RPTOR: variants seen among roughly 807,000 people sequenced by gnomAD.
RPTOR encodes regulatory associated protein of MTOR complex 1, also known as regulatory-associated protein of mTOR.
RPTOR carries 21 observed loss-of-function variants against 169.9 expected under a neutral mutation model. The observed-to-expected ratio is 0.12, with a 90% confidence interval of 0.09 to 0.18. RPTOR has a LOEUF of 0.18. Ranked by LOEUF, RPTOR falls within the 10% of genes least tolerant of loss-of-function variation. The pLI is 1.00. For synonymous variants in RPTOR, 732 were observed against 753.2 expected (o/e 0.97, Z 0.46); for missense variants, 1,133 against 1,855.9 (o/e 0.61, Z 7.16).
rs1415248366 is a variant in RPTOR, at chr17:80,700,588, AGTG to A, written c.349-7246_349-7244del. Among the ~76,000 whole-genome samples the A allele has an allele frequency of 1.4e-3, 12 of 8,758 alleles. No homozygotes were observed. The South Asian group carries it at 0.025, about 18-fold the overall frequency. The allele number at this position is 8,758 out of a possible 152,430, so 5.7% of individuals were successfully genotyped here. ...AGATGATGGTGATGGTGATGATGGA[AGTG>A]GTGGTGATGGTGATGATGGTGATGG... is the stretch of plus-strand genomic sequence containing the variant. On this transcript the variant is annotated intron_variant, in intron 3 of 33. Coordinates refer to ENST00000306801, the MANE Select transcript of RPTOR (RefSeq NM_020761.3).
rs2143829640 is a variant in RPTOR at position 80,880,487 on chromosome 17, C to T, written c.1582C>T (p.Pro528Ser). 6.2e-7 allele frequency: 1 copy of T among 1,613,498 alleles called. No homozygotes were observed. Among genetic ancestry groups the T allele is most frequent in the Non-Finnish European group, 8.5e-7 (1 of 1,179,914 alleles). Residue 528 changes from proline to serine, a missense_variant and splice_region_variant, in exon 14 of 34, where the codon CCA becomes TCA. By Grantham distance (74) the Pro-to-Ser change is moderately conservative. Transcript: ENST00000306801. ...GTCGGTCCTGGCGGACCCCTACATG[C>T]CAGTAAGGACGGGGCAGCACGCTCT... Reference protein sequence around the residue: ...FLSVLADPYMPAEHRTMTAFI... With the variant: ...FLSVLADPYMSAEHRTMTAFI...
chr17:80,919,741 T>C (rs752427550), intron 21 of RPTOR, among the ~76,000 whole-genome samples: 6 of 152,208 alleles, frequency 3.9e-5, no homozygotes, highest in Non-Finnish European at 8.8e-5. Context: ...AGCATTCGAC[T>C]GTTAGCAAAG....
At position 80,746,540 on chromosome 17, in the gene RPTOR, A is replaced by G. The variant is rs550495717; in HGVS notation, c.655-7470A>G. Among the ~76,000 whole-genome samples the G allele has an allele frequency of 9.3e-4, 142 of 152,308 alleles. No individual in the cohort carries two copies. The highest frequency in any genetic ancestry group is 1.7e-3 in the Non-Finnish European group (117 of 68,028). On this transcript the variant is annotated intron_variant, in intron 5 of 33. Transcript: ENST00000306801. The surrounding 1 kb of genome is among the most constrained non-coding windows in gnomAD (Gnocchi z 4.5). ...TTTCTGGATCCTTCCCAAATCCTCC[A>G]GAAGACTCTGGAGAGCATTGGAAGA...
At chr17:80,793,336 T>C (rs1183625493) in intron 7 of RPTOR, among the ~76,000 whole-genome samples, 2 of 152,236 alleles carry the variant, frequency 1.3e-5, no homozygotes, top group African/African-American at 4.8e-5. Flanking sequence ...ATATTATATA[T>C]CTAATTTCTT....
intron 28 of RPTOR, among the ~76,000 whole-genome samples, chr17:80,950,089 A>G (rs1354274772): frequency 6.6e-6 from 1 of 152,204 alleles, no homozygotes; most frequent in African/African-American, 2.4e-5. Context: ...GCGCAGGCCC[A>G]CAGGTCCTTC....
At chr17:80,691,141 A>G (rs2065987649) in intron 3 of RPTOR, among the ~76,000 whole-genome samples, 1 of 152,198 alleles carries the variant, frequency 6.6e-6, no homozygotes, top group Non-Finnish European at 1.5e-5. Context: ...AAACCCTCTC[A>G]TCAATTATTT....
intron 7 of RPTOR, among the ~76,000 whole-genome samples, chr17:80,819,925 C>T (rs1435347630): frequency 6.6e-6 from 1 of 152,140 alleles, no homozygotes; most frequent in African/African-American, 2.4e-5. Flanking sequence ...ATGTCTGAAC[C>T]CCATGGAGCG....
intron 13 of RPTOR, among the ~76,000 whole-genome samples, chr17:80,867,226 C>T (rs1368600405): frequency 6.6e-6 from 1 of 151,894 alleles, no homozygotes; most frequent in Non-Finnish European, 1.5e-5. Context: ...GATGCCTCTT[C>T]AGATTATTAA....
At chr17:80,697,186 C>A (rs1244876250) in intron 3 of RPTOR, among the ~76,000 whole-genome samples, 2 of 152,224 alleles carry the variant, frequency 1.3e-5, no homozygotes, top group Non-Finnish European at 2.9e-5. Flanking sequence ...GCGGTCCCCC[C>A]ACCCGAAGGT....
At chr17:80,783,056 A>C (rs1270158513) in intron 6 of RPTOR, among the ~76,000 whole-genome samples, 1 of 152,164 alleles carries the variant, frequency 6.6e-6, no homozygotes, top group Non-Finnish European at 1.5e-5. Flanking sequence ...TCCGTGGAAG[A>C]GGTTTACCTT....
rs745717737 is a variant in RPTOR at position 80,908,876 on chromosome 17, T to A, written c.2467T>A (p.Tyr823Asn). ...RVLLHLAADP[Y>N]PEVSDVAMKV... ...CCTGCTGCACCTGGCTGCTGACCCC[T>A]ATCCAGAGGTCTCGGACGTGGCCAT... The change falls in exon 21 of 34, where the codon TAT (tyrosine) becomes AAT (asparagine). Residue 823 changes from tyrosine to asparagine, a missense_variant. Transcript: ENST00000306801. 6.2e-7 allele frequency: 1 copy of A among 1,614,162 alleles called. No individual in the cohort carries two copies. The highest frequency in any genetic ancestry group is 2.2e-5 in the East Asian group (1 of 44,892).
At chr17:80,864,685 G>A (rs533597443) in intron 13 of RPTOR, among the ~76,000 whole-genome samples, 25 of 152,198 alleles carry the variant, frequency 1.6e-4, no homozygotes, top group Non-Finnish European at 2.1e-4. Context: ...AGGGAAACAC[G>A]GTTCTACACA....
At chr17:80,569,563 A>C (rs778886944) in intron 1 of RPTOR, among the ~76,000 whole-genome samples, 3 of 152,094 alleles carry the variant, frequency 2.0e-5, no homozygotes, top group Non-Finnish European at 4.4e-5. Context: ...AAATAAATAA[A>C]AGCAGGTCTA....
intron 21 of RPTOR, among the ~76,000 whole-genome samples, chr17:80,918,492 TCG>T (rs1286709965): frequency 1.0e-5 from 1 of 97,274 alleles, no homozygotes; most frequent in Non-Finnish European, 2.3e-5. Context: ...ACGAGCACCC[TCG>T]CGGGGGTCAT....
At chr17:80,904,110 C>T (rs898380992) in intron 20 of RPTOR, among the ~76,000 whole-genome samples, 2 of 152,208 alleles carry the variant, frequency 1.3e-5, no homozygotes, top group South Asian at 4.1e-4. Flanking sequence ...TCCCTGTGGG[C>T]AGCTGCAGGG....
At chr17:80,664,086 G>T (rs1567845328) in intron 3 of RPTOR, among the ~76,000 whole-genome samples, 1 of 152,128 alleles carries the variant, frequency 6.6e-6, no homozygotes, top group Non-Finnish European at 1.5e-5. Context: ...GGCTGCGTCT[G>T]GGAGGGACTT....
At chr17:80,930,522 T>TCC (rs1555637062) in intron 24 of RPTOR, among the ~76,000 whole-genome samples, 28 of 13,142 alleles carry the variant, frequency 2.1e-3, no homozygotes, top group Admixed American at 4.0e-3. Context: ...CTTCAGCTTA[T>TCC]CCACTTCAGT....
At position 80,695,760 on chromosome 17, in the gene RPTOR, G is replaced by T. The variant is rs1402845814; in HGVS notation, c.349-12081G>T. ...ATTTCTGAAAAACAAGTCGCTTGAG[G>T]CCCATCTTTACAGAGTGACAGGAGC... is the stretch of plus-strand genomic sequence containing the variant. On this transcript the variant is annotated intron_variant, in intron 3 of 33. Coordinates refer to ENST00000306801, the MANE Select transcript of RPTOR (RefSeq NM_020761.3). The surrounding 1 kb of genome is among the most constrained non-coding windows in gnomAD (Gnocchi z 4.9). 6.6e-6 allele frequency among the ~76,000 whole-genome samples: 1 copy of T among 152,164 alleles called. No individual in the cohort carries two copies. Among genetic ancestry groups the T allele is most frequent in the East Asian group, 1.9e-4 (1 of 5,196 alleles).
At chr17:80,925,710 G>A (rs951288921) in intron 24 of RPTOR, among the ~76,000 whole-genome samples, 8 of 152,134 alleles carry the variant, frequency 5.3e-5, no homozygotes, top group Non-Finnish European at 8.8e-5. Context: ...TGTGACAGGT[G>A]TCACTTTGCC....
Sources: allele counts gnomAD v4.1 joint callset (sites outside exome capture counted in the v4.1 genomes callset), GRCh38; gene constraint gnomAD v4.1.1; non-coding constraint Gnocchi (gnomAD v3.1); transcripts MANE v1.5; gene names NCBI Gene and HGNC (gene_info 2026-07-23, HGNC 2026-07-21).